Variants in SH3PXD2B observed in about 807,000 individuals in gnomAD.
SH3PXD2B encodes the protein SH3 and PX domains 2B.
SH3PXD2B carries 37 observed loss-of-function variants against 73.1 expected under a neutral mutation model. The observed-to-expected ratio is 0.51, with a 90% CI of 0.39 to 0.67. The LOEUF (loss-of-function observed/expected upper bound fraction) is 0.67, where lower values mean the gene tolerates loss of function less well. Among genes scored for constraint, SH3PXD2B ranks in the 30% least tolerant of loss-of-function variants. SH3PXD2B has a pLI of 0.00. For synonymous variants in SH3PXD2B, 457 were observed against 480.5 expected (o/e 0.95, Z 0.64); for missense variants, 1,053 against 1,197.8 (o/e 0.88, Z 1.78).
chr5:172,385,155 T>A (rs951468370), intron 4 of SH3PXD2B, among the ~76,000 whole-genome samples: 13 of 152,122 alleles, frequency 8.5e-5, no homozygotes, highest in Admixed American at 7.9e-4. Flanking sequence ...CCCCTCCCCA[T>A]GGGCCTCTTT....
chr5:172,371,698 C>T (rs1757709117), intron 6 of SH3PXD2B, among the ~76,000 whole-genome samples: 1 of 152,170 alleles, frequency 6.6e-6, no homozygotes, highest in South Asian at 2.1e-4. Context: ...CTTTTTCTCC[C>T]TTTTCCAGAC....
At chr5:172,330,979 G>A (rs1756542987), downstream of SH3PXD2B, among the ~76,000 whole-genome samples, 1 of 152,252 alleles carries the variant, frequency 6.6e-6, no homozygotes, top group South Asian at 2.1e-4. Context: ...TGGATCACTT[G>A]AGGACCAGAG....
At chr5:172,355,549 T>C (rs1294849783) in intron 8 of SH3PXD2B, among the ~76,000 whole-genome samples, 1 of 130,876 alleles carries the variant, frequency 7.6e-6, no homozygotes, top group Non-Finnish European at 1.7e-5. Context: ...TTTTCTTTTC[T>C]TTTTTTTTTT....
chr5:172,368,551 A>ACGT (rs1395930887), intron 6 of SH3PXD2B, among the ~76,000 whole-genome samples: 1 of 20,986 alleles, frequency 4.8e-5, no homozygotes, highest in African/African-American at 3.6e-4. Flanking sequence ...AAATATATAT[A>ACGT]TATTATATAT....
intron 3 of SH3PXD2B, among the ~76,000 whole-genome samples, chr5:172,405,028 A>G (rs1339684514): frequency 6.6e-6 from 1 of 152,220 alleles, no homozygotes; most frequent in Non-Finnish European, 1.5e-5. Flanking sequence ...AAAGTAAAGC[A>G]CTGAGTGACT....
chr5:172,387,158 C>T (rs1335668954), intron 4 of SH3PXD2B, among the ~76,000 whole-genome samples: 1 of 152,150 alleles, frequency 6.6e-6, no homozygotes, highest in Non-Finnish European at 1.5e-5. Context: ...TTATGTTGCC[C>T]ATAGTTTAAA....
chr5:172,329,039 ATATG>A (rs1260675512), downstream of SH3PXD2B, among the ~76,000 whole-genome samples: 2 of 24,264 alleles, frequency 8.2e-5, no homozygotes, highest in Non-Finnish European at 2.2e-4. Flanking sequence ...ATACGTATAT[ATATG>A]TATGTGTGTG....
At chr5:172,356,902 C>T (rs750840967) in intron 8 of SH3PXD2B, 6 of 152,278 alleles carry the variant, frequency 3.9e-5, no homozygotes, top group Non-Finnish European at 5.9e-5. Context: ...TGAGTCTAAT[C>T]CAAGCCCCAG....
chr5:172,383,974 G>A (rs529714017), intron 4 of SH3PXD2B, among the ~76,000 whole-genome samples: 2 of 151,932 alleles, frequency 1.3e-5, no homozygotes, highest in Non-Finnish European at 2.9e-5. Context: ...AGCCTCCCTA[G>A]TAGCTGGGAT....
At chr5:172,329,072 T>C (rs1450909101), downstream of SH3PXD2B, among the ~76,000 whole-genome samples, 8 of 80,740 alleles carry the variant, frequency 9.9e-5, no homozygotes, top group African/African-American at 3.6e-4. Flanking sequence ...TATATATATA[T>C]ATATATATAT....
intron 10 of SH3PXD2B, among the ~76,000 whole-genome samples, chr5:172,348,711 T>C (rs4129328): frequency 0.3 from 10,805 of 35,696 alleles, 883 homozygotes; most frequent in African/African-American, 0.47. Flanking sequence ...ATCTATCTAT[T>C]TATTTATTTT....
chr5:172,368,547 A>ATGT (rs1394778929), intron 6 of SH3PXD2B, among the ~76,000 whole-genome samples: 2 of 20,936 alleles, frequency 9.6e-5, no homozygotes, highest in Non-Finnish European at 1.3e-4. Context: ...TATAAAATAT[A>ATGT]TATATATTAT....
At chr5:172,368,674 AAAAT>A (rs1343662462) in intron 6 of SH3PXD2B, among the ~76,000 whole-genome samples, 1 of 38,598 alleles carries the variant, frequency 2.6e-5, no homozygotes, top group Non-Finnish European at 3.7e-5. Flanking sequence ...ATATATATAT[AAAAT>A]ATATATGTTA....
rs149434231 is a variant in SH3PXD2B at position 172,452,917 on chromosome 5, A to G, written c.75+1361T>C. Among the ~76,000 whole-genome samples, 8 of 152,346 alleles carry G rather than the reference A, an allele frequency of 5.3e-5. No individual in the cohort carries two copies. In the East Asian group the frequency reaches 1.3e-3, roughly 26 times the overall value. ...GGAATCAAGGGAAACTTCACTCTAT[A>G]TAAAGATGCCACAGGTCCAGGAAAT... is the stretch of plus-strand genomic sequence containing the variant. On this transcript the variant is annotated intron_variant, in intron 1 of 12. Coordinates refer to ENST00000311601, the MANE Select transcript of SH3PXD2B (RefSeq NM_001017995.3).
chr5:172,400,964 C>G (rs369045620), intron 3 of SH3PXD2B, among the ~76,000 whole-genome samples: 20 of 152,260 alleles, frequency 1.3e-4, no homozygotes, highest in African/African-American at 4.6e-4. Context: ...TCACTTTAAG[C>G]GCTGTGATCA....
chr5:172,426,285 T>C (rs1759095569), intron 1 of SH3PXD2B, among the ~76,000 whole-genome samples: 1 of 152,214 alleles, frequency 6.6e-6, no homozygotes, highest in Admixed American at 6.5e-5. Flanking sequence ...GTCCCCGTCC[T>C]GGGTTTGGGG....
At chr5:172,409,032 T>C (rs891061134) in intron 2 of SH3PXD2B, among the ~76,000 whole-genome samples, 2 of 152,276 alleles carry the variant, frequency 1.3e-5, no homozygotes, top group African/African-American at 4.8e-5. Context: ...TCTTTCCAGC[T>C]ATCTGAAACT....
chr5:172,330,947 C>A (rs182979122), downstream of SH3PXD2B, among the ~76,000 whole-genome samples: 534 of 152,350 alleles, frequency 3.5e-3, 4 homozygotes, highest in African/African-American at 0.011. Flanking sequence ...GCAATCCCAG[C>A]ACTTTGGGAG....
intron 12 of SH3PXD2B, among the ~76,000 whole-genome samples, chr5:172,345,513 G>A (rs1756974914): frequency 6.6e-6 from 1 of 152,188 alleles, no homozygotes; most frequent in South Asian, 2.1e-4. Flanking sequence ...TTTTGAAAGT[G>A]TCTCAAGAAC....
Sources: gnomAD v4.1 joint callset for allele counts (sites outside exome capture counted in the v4.1 genomes callset) on GRCh38, gnomAD v4.1.1 for gene constraint, MANE v1.5 for transcripts, NCBI Gene and HGNC (gene_info 2026-07-23, HGNC 2026-07-21) for gene names.